Variants in HDLBP observed in about 807,000 individuals in gnomAD.
HDLBP encodes vigilin.
Under a neutral mutation model 137.3 loss-of-function variants are expected in HDLBP, and 30 were observed. That is an observed-to-expected ratio of 0.22 (90% CI 0.16 to 0.30). The LOEUF (loss-of-function observed/expected upper bound fraction) is 0.30. Ranked by LOEUF, HDLBP falls within the 10% of genes least tolerant of loss-of-function variation. The pLI, the probability that HDLBP is intolerant of heterozygous loss-of-function variation, is 1.00. For synonymous variants in HDLBP, 606 were observed against 596.0 expected (o/e 1.02, Z -0.24); for missense variants, 1,119 against 1,667.3 (o/e 0.67, Z 5.73).
rs2074432799 is a variant in HDLBP, at chr2:241,277,514, G to C, written c.-102-8973C>G. 2.0e-5 allele frequency among the ~76,000 whole-genome samples: 3 copies of C among 152,146 alleles called. No individual in the cohort carries two copies. In the South Asian group the frequency reaches 6.2e-4, roughly 32 times the overall value. On this transcript the variant is annotated intron_variant, in intron 1 of 27. Transcript: ENST00000310931. ...AAACTACAGCTAAAATGGAGACTTT[G>C]AAAAATCATGTAAGAATTCTATTGA... is the stretch of plus-strand genomic sequence containing the variant.
At position 241,229,445 on chromosome 2, in the gene HDLBP, C is replaced by T. The variant is rs2069452037; in HGVS notation, c.*156G>A. ...GGCCAGGCCTGGAGGAGCGGCCGCA[C>T]ACACAGCCAGGCGCTAGGCTCCCTG... On this transcript the variant is annotated 3_prime_UTR_variant, in exon 28 of 28. Transcript: ENST00000310931. 3 of 608,316 alleles carry T rather than the reference C, an allele frequency of 4.9e-6. No individual in the cohort carries two copies. The South Asian group carries it at 5.8e-5, about 12-fold the overall frequency. 37.7% of individuals were successfully genotyped at this position (608,316 alleles called of 1,614,324 possible).
At chr2:241,307,552 A>T (rs1263384531) in intron 1 of HDLBP, among the ~76,000 whole-genome samples, 1 of 152,230 alleles carries the variant, frequency 6.6e-6, no homozygotes, top group African/African-American at 2.4e-5. Flanking sequence ...TAGCTTTAAA[A>T]ATATTCTAAA....
Position 241,228,240 on chromosome 2 carries a change from G to A in HDLBP, c.*1361C>T, listed in dbSNP as rs545142279. On this transcript the variant is annotated 3_prime_UTR_variant, in exon 28 of 28. Coordinates refer to ENST00000310931, the MANE Select transcript of HDLBP (RefSeq NM_005336.6). ...CTAGCAGCTCAGTCACCTCCGTGGCGGACACAGATAAGGATGTTAAGACCA... is the reference window on the plus strand; with the variant it reads ...CTAGCAGCTCAGTCACCTCCGTGGCAGACACAGATAAGGATGTTAAGACCA... The A allele has an allele frequency of 9.8e-5, 15 of 152,414 alleles. No individual in the cohort carries two copies. The highest frequency in any genetic ancestry group is 9.6e-4 in the East Asian group (5 of 5,186). The allele number at this position is 152,414 out of a possible 1,614,324, so 9.4% of individuals were successfully genotyped here.
At chr2:241,260,753 A>G (rs1330388422) in intron 5 of HDLBP, among the ~76,000 whole-genome samples, 1 of 152,172 alleles carries the variant, frequency 6.6e-6, no homozygotes, top group East Asian at 1.9e-4. Context: ...GCACAGACTC[A>G]GCACCACCTA....
intron 1 of HDLBP, chr2:241,273,293 T>A: frequency 2.1e-6 from 2 of 935,554 alleles, no homozygotes; most frequent in Non-Finnish European, 2.5e-6. Context: ...TGCCTATTCC[T>A]TATGTCCCTC....
chr2:241,229,784 G>GGGGGC, intron 27 of HDLBP, 49 bp downstream of exon 27: 5 of 1,502,538 alleles, frequency 3.3e-6, no homozygotes, highest in Non-Finnish European at 4.6e-6. Context: ...AAGCCCGCCT[G>GGGGGC]CCCGCCCACC....
Position 241,272,689 on chromosome 2 carries a change from C to T in HDLBP, c.-102-4148G>A, listed in dbSNP as rs1342189249. ...TCCACGTCAGCAGCCACCCCCCACCCCCCCGCCCGGCAGCCCGCCCGCCCC... is the reference window on the plus strand; with the variant it reads ...TCCACGTCAGCAGCCACCCCCCACCTCCCCGCCCGGCAGCCCGCCCGCCCC... On this transcript the variant is annotated intron_variant, in intron 1 of 27. Coordinates refer to ENST00000310931, the MANE Select transcript of HDLBP (RefSeq NM_005336.6). The surrounding 1 kb of genome is among the most constrained non-coding windows in gnomAD (Gnocchi z 5.6). 2.6e-6 allele frequency: 2 copies of T among 766,734 alleles called. No individual in the cohort carries two copies. Among genetic ancestry groups the T allele is most frequent in the Admixed American group, 6.5e-5 (1 of 15,324 alleles). 47.5% of individuals were successfully genotyped at this position (766,734 alleles called of 1,614,324 possible).
chr2:241,272,632 C>A lies in HDLBP; in HGVS notation c.-102-4091G>T. The A allele has an allele frequency of 1.0e-6, 1 of 975,172 alleles. No individual in the cohort carries two copies. The highest frequency in any genetic ancestry group is 1.2e-6 in the Non-Finnish European group (1 of 821,926). 60.4% of individuals were successfully genotyped at this position (975,172 alleles called of 1,614,324 possible). A position where few individuals can be genotyped will look rare whatever the true frequency, so the allele number is the denominator to read the frequency against. On this transcript the variant is annotated intron_variant, in intron 1 of 27. Coordinates refer to ENST00000310931, the MANE Select transcript of HDLBP (RefSeq NM_005336.6). This position sits in a 1 kb window ranked among gnomAD's most constrained non-coding sequence, Gnocchi z 5.6. Reference sequence around the variant, plus strand: ...CGCAGCCTGGGGCCCGGGTGGGGGCCGCGGCACCCGGGCCCCTCCCCCTCC... The same window carrying A: ...CGCAGCCTGGGGCCCGGGTGGGGGCAGCGGCACCCGGGCCCCTCCCCCTCC...
At chr2:241,283,474 C>CT (rs961552851) in intron 1 of HDLBP, among the ~76,000 whole-genome samples, 574 of 142,034 alleles carry the variant, frequency 4.0e-3, no homozygotes, top group Non-Finnish European at 4.0e-3. Context: ...TAGATGGCTT[C>CT]TTTTTTTTTT....
chr2:241,291,993 G>A (rs558698685), intron 1 of HDLBP, among the ~76,000 whole-genome samples: 2 of 152,296 alleles, frequency 1.3e-5, no homozygotes, highest in East Asian at 3.9e-4. Context: ...TGGTACAGCA[G>A]CAATAGGAAA....
chr2:241,242,712 A>C (rs775826709), intron 16 of HDLBP, 34 bp from the exon 17 acceptor site: 26 of 1,576,840 alleles, frequency 1.6e-5, no homozygotes, highest in Non-Finnish European at 2.3e-5. Context: ...GGAGGAAGTC[A>C]CATTTTTGTG....
chr2:241,260,098 G>C (rs1304373090), intron 5 of HDLBP, among the ~76,000 whole-genome samples: 2 of 152,102 alleles, frequency 1.3e-5, no homozygotes, highest in African/African-American at 2.4e-5. Context: ...CTGCCTCCCG[G>C]GTTCAAGTGA....
In HDLBP at chr2:241,240,391, A is replaced by G. The variant is rs534551159; in HGVS notation, c.2170-269T>C. 1.5e-3 allele frequency among the ~76,000 whole-genome samples: 225 copies of G among 152,274 alleles called. No homozygotes were observed. Among genetic ancestry groups the G allele is most frequent in the Non-Finnish European group, 2.1e-3 (145 of 68,004 alleles). ...TTAGAACCCTGGTCCTGCCACTTAC[A>G]AGCACTGACCAAACTTCTCCAAGCC... is the stretch of plus-strand genomic sequence containing the variant. On this transcript the variant is annotated intron_variant, in intron 17 of 27. Transcript: ENST00000310931. The surrounding 1 kb of genome is among the most constrained non-coding windows in gnomAD (Gnocchi z 5.5).
At chr2:241,237,685 A>G (rs1433658510) in intron 20 of HDLBP, among the ~76,000 whole-genome samples, 1 of 152,128 alleles carries the variant, frequency 6.6e-6, no homozygotes, top group Non-Finnish European at 1.5e-5. Context: ...AATACCCACC[A>G]TGAATAAAGG....
In HDLBP at chr2:241,280,116, T is replaced by G. The variant is rs1021397220; in HGVS notation, c.-102-11575A>C. 4.1e-6 allele frequency: 4 copies of G among 985,196 alleles called. No homozygotes were observed. The African/African-American group carries it at 7.0e-5, about 17-fold the overall frequency. The allele number at this position is 985,196 out of a possible 1,614,324, so 61.0% of individuals were successfully genotyped here. A position where few individuals can be genotyped will look rare whatever the true frequency, so the allele number is the denominator to read the frequency against. On this transcript the variant is annotated intron_variant, in intron 1 of 27. Transcript: ENST00000310931. Reference sequence around the variant, plus strand: ...TGGCACCATGGGATGGGAGCTAAGTTTAGCACAATTTGCACTCCCATACTG... The same window carrying G: ...TGGCACCATGGGATGGGAGCTAAGTGTAGCACAATTTGCACTCCCATACTG...
At position 241,238,630 on chromosome 2, in the gene HDLBP, G is replaced by A. The variant is rs1413558762; in HGVS notation, c.2749+19C>T. On this transcript the variant is annotated intron_variant, in intron 20 of 27. Coordinates refer to ENST00000310931, the MANE Select transcript of HDLBP (RefSeq NM_005336.6). This position sits in a 1 kb window ranked among gnomAD's most constrained non-coding sequence, Gnocchi z 4.9. ...GGCGCCACTATTAACAAGCAGAGCA[G>A]GGCTAATGGGGGACCCACCTGCGTT... The A allele has an allele frequency of 3.3e-6, 5 of 1,538,084 alleles. No individual in the cohort carries two copies. Among genetic ancestry groups the A allele is most frequent in the Non-Finnish European group, 4.4e-6 (5 of 1,132,996 alleles).
chr2:241,298,735 G>T (rs2075281181), intron 1 of HDLBP, among the ~76,000 whole-genome samples: 1 of 152,158 alleles, frequency 6.6e-6, no homozygotes, highest in African/African-American at 2.4e-5. Flanking sequence ...CACCTATTAG[G>T]ATGCAGAGAA....
intron 1 of HDLBP, among the ~76,000 whole-genome samples, chr2:241,303,915 C>T (rs2075476973): frequency 6.6e-6 from 1 of 152,106 alleles, no homozygotes; most frequent in Admixed American, 6.6e-5. Flanking sequence ...CTCAAACGTG[C>T]CTCCCACCTC....
chr2:241,266,715 G>A (rs2073701800), intron 3 of HDLBP, 79 bp downstream of exon 3: 1 of 951,634 alleles, frequency 1.1e-6, no homozygotes, highest in Non-Finnish European at 1.7e-6. Context: ...CTTCTAGAAA[G>A]GGCATGGGAT....
Sources: allele counts gnomAD v4.1 joint callset (sites outside exome capture counted in the v4.1 genomes callset), GRCh38; gene constraint gnomAD v4.1.1; non-coding constraint Gnocchi (gnomAD v3.1); transcripts MANE v1.5; gene names NCBI Gene and HGNC (gene_info 2026-07-23, HGNC 2026-07-21).